The following ALG9 variants were observed in gnomAD, a reference collection of about 807,000 sequenced individuals.
ALG9 encodes alpha-1,2-mannosyltransferase ALG9.
ALG9 carries 55 observed loss-of-function variants against 81.8 expected under a neutral mutation model. That is an observed-to-expected ratio of 0.67 (90% CI 0.54 to 0.84). ALG9 has a LOEUF of 0.84. ALG9 is among the 40% of genes least tolerant of loss of function. The pLI is 0.00. For synonymous variants in ALG9, 278 were observed against 274.3 expected, an observed-to-expected ratio of 1.01 and a Z score of -0.13; for missense variants, 629 against 745.0, an observed-to-expected ratio of 0.84 and a Z score of 1.81.
Position 111,868,720 on chromosome 11 carries a change from T to C in ALG9, c.287A>G (p.Tyr96Cys), listed in dbSNP as rs1963298372. Reference protein sequence around the residue: ...NYWEPTHYLIYGEGFQTWEYS... With the variant: ...NYWEPTHYLICGEGFQTWEYS... ...TTCCCAAGTCTGAAACCCTTCCCCA[T>C]AGATGAGGTAGTGTGTCTAAAAATA... The change falls in exon 3 of 15, where the codon TAT becomes TGT. Residue 96 changes from tyrosine to cysteine, a missense_variant. Around this residue, in one of 3 missense-constraint regions of ALG9, gnomAD observed 344 missense variants for 390.5 expected, o/e 0.88. Coordinates refer to ENST00000616540, the MANE Select transcript of ALG9 (RefSeq NM_024740.2). The C allele has an allele frequency of 2.5e-6, 4 of 1,612,344 alleles. No homozygotes were observed. The highest frequency in any genetic ancestry group is 1.3e-5 in the African/African-American group (1 of 74,894).
chr11:111,786,174 T>C lies in ALG9; in HGVS notation c.*223A>G, dbSNP rs1298457101. 3.1e-6 allele frequency: 2 copies of C among 650,994 alleles called. No individual in the cohort carries two copies. Among genetic ancestry groups the C allele is most frequent in the Non-Finnish European group, 5.6e-6 (2 of 357,614 alleles). 40.3% of individuals were successfully genotyped at this position (650,994 alleles called of 1,614,324 possible). On this transcript the variant is annotated 3_prime_UTR_variant, in exon 15 of 15. Coordinates refer to ENST00000616540, the MANE Select transcript of ALG9 (RefSeq NM_024740.2). ...CTGTGCTTTAGGGCCTTTCTCTGCC[T>C]AGCTGCAAAAAGTTTACATGCAGAA... is the stretch of plus-strand genomic sequence containing the variant.
intron 14 of ALG9, among the ~76,000 whole-genome samples, chr11:111,789,019 TC>T (rs142679311): frequency 0.28 from 42,019 of 149,828 alleles, 6,719 homozygotes; most frequent in East Asian, 0.58. Flanking sequence ...TTTTTTTTTT[TC>T]CCCCAAGAGA....
intron 13 of ALG9, among the ~76,000 whole-genome samples, chr11:111,816,429 T>G (rs553294356): frequency 6.6e-6 from 1 of 152,304 alleles, no homozygotes; most frequent in South Asian, 2.1e-4. Context: ...TTTTATTTTT[T>G]GTAGAGACGG....
At chr11:111,817,248 G>C (rs1951628445) in intron 13 of ALG9, 1 of 152,218 alleles carries the variant, frequency 6.6e-6, no homozygotes, top group Admixed American at 6.5e-5. Context: ...AGAAAGAGAG[G>C]CCTATACTAG....
At chr11:111,859,362 C>T (rs920624939) in intron 5 of ALG9, among the ~76,000 whole-genome samples, 6 of 151,758 alleles carry the variant, frequency 4.0e-5, no homozygotes, top group Admixed American at 2.0e-4. Context: ...ATTAGCTGGG[C>T]GTGGTGGTGC....
intron 6 of ALG9, among the ~76,000 whole-genome samples, chr11:111,856,567 T>C (rs1592331284): frequency 6.6e-6 from 1 of 151,628 alleles, no homozygotes; most frequent in Non-Finnish European, 1.5e-5. Context: ...TCTTTGAGGA[T>C]TGAGCTAGCG....
At position 111,847,527 on chromosome 11, in the gene ALG9, A is replaced by G. The variant is rs575563915; in HGVS notation, c.896-2804T>C. Reference sequence around the variant, plus strand: ...TGTGCACTCCTCAGCAGAGAGCACCACTCTTCACTCACCAGACAAAAATAC... The same window carrying G: ...TGTGCACTCCTCAGCAGAGAGCACCGCTCTTCACTCACCAGACAAAAATAC... On this transcript the variant is annotated intron_variant, in intron 8 of 14. Transcript: ENST00000616540. 5.9e-5 allele frequency among the ~76,000 whole-genome samples: 9 copies of G among 152,098 alleles called. No individual in the cohort carries two copies. The South Asian group carries it at 1.9e-3, about 32-fold the overall frequency.
At chr11:111,866,166 G>A (rs782164582) in intron 3 of ALG9, among the ~76,000 whole-genome samples, 5 of 152,054 alleles carry the variant, frequency 3.3e-5, no homozygotes, top group African/African-American at 7.2e-5. Context: ...GCATGGTGGC[G>A]GGCAACTGTA....
chr11:111,816,828 TG>T (rs782259839), intron 13 of ALG9, among the ~76,000 whole-genome samples: 1 of 152,214 alleles, frequency 6.6e-6, no homozygotes, highest in Non-Finnish European at 1.5e-5. Flanking sequence ...CCAAAAGTTC[TG>T]GGTTACAGGC....
At chr11:111,853,228 G>T in intron 8 of ALG9, 152 bp downstream of exon 8, 1 of 689,854 alleles carries the variant, frequency 1.4e-6, no homozygotes, top group Non-Finnish European at 2.6e-6. Context: ...TGTCATCATT[G>T]TGCTATACTC....
intron 2 of ALG9, 143 bp from the exon 3 acceptor site, chr11:111,868,879 G>T: frequency 1.3e-6 from 1 of 780,796 alleles, no homozygotes; most frequent in Non-Finnish European, 1.8e-6. Context: ...CCAGCACTTT[G>T]GGAGGGCAAG....
intron 14 of ALG9, chr11:111,798,214 A>C: frequency 3.2e-6 from 1 of 314,250 alleles, no homozygotes. Flanking sequence ...AAAAGAAAAA[A>C]ATAGAGAAAA....
intron 8 of ALG9, among the ~76,000 whole-genome samples, chr11:111,846,610 A>G (rs1327052951): frequency 6.6e-6 from 1 of 152,256 alleles, no homozygotes; most frequent in East Asian, 1.9e-4. Flanking sequence ...TGAACATTTC[A>G]TAACAGACTG....
rs545331451 is a variant in ALG9, at chr11:111,833,555, A to G, written c.1602+2610T>C. Among the ~76,000 whole-genome samples, 316 of 152,344 alleles carry G rather than the reference A, an allele frequency of 2.1e-3. 3 individuals are homozygous for G. Among genetic ancestry groups the G allele is most frequent in the African/African-American group, 7.2e-3 (301 of 41,584 alleles). Reference sequence around the variant, plus strand: ...ACAACTTTCCTCGTTTCCATGCACAATAGAAACGGGACAGGCTGGAGCACT... The same window carrying G: ...ACAACTTTCCTCGTTTCCATGCACAGTAGAAACGGGACAGGCTGGAGCACT... On this transcript the variant is annotated intron_variant, in intron 13 of 14. Coordinates refer to ENST00000616540, the MANE Select transcript of ALG9 (RefSeq NM_024740.2).
At chr11:111,798,145 G>A (rs1555077029) in intron 14 of ALG9, 2 of 233,402 alleles carry the variant, frequency 8.6e-6, no homozygotes, top group Admixed American at 5.4e-5. Context: ...GGAGGTTGCA[G>A]TGAACAGAGA....
chr11:111,775,263 A>G, the ALG9 span, among the ~76,000 whole-genome samples: 2 of 152,130 alleles, frequency 1.3e-5, no homozygotes, highest in African/African-American at 4.8e-5. Context: ...TGAAGATGGT[A>G]TTCTTCCCCA....
chr11:111,829,367 T>G (rs1472300441), intron 13 of ALG9, among the ~76,000 whole-genome samples: 14 of 152,142 alleles, frequency 9.2e-5, no homozygotes, highest in African/African-American at 3.4e-4. Flanking sequence ...AATTTAAAAT[T>G]TTGTAAAACA....
chr11:111,832,450 T>A (rs368396019), intron 13 of ALG9, among the ~76,000 whole-genome samples: 126 of 152,128 alleles, frequency 8.3e-4, no homozygotes, highest in African/African-American at 2.7e-3. Flanking sequence ...TAATTTATTT[T>A]TTTTTTATTG....
chr11:111,778,728 A>C (rs1296082849), downstream of ALG9, among the ~76,000 whole-genome samples: 2 of 152,156 alleles, frequency 1.3e-5, no homozygotes, highest in Non-Finnish European at 1.5e-5. Flanking sequence ...GTTTAAAAAA[A>C]AACATAATGG....
Sources: gnomAD v4.1 joint callset for allele counts (sites outside exome capture counted in the v4.1 genomes callset) on GRCh38, gnomAD v4.1.1 for gene constraint, gnomAD v4.1.1 regional missense constraint, MANE v1.5 for transcripts, NCBI Gene and HGNC (gene_info 2026-07-23, HGNC 2026-07-21) for gene names.